Variants in ERC2 observed in about 807,000 individuals in gnomAD.
ERC2 encodes ERC protein 2.
In ERC2, 42 loss-of-function variants were observed where a neutral mutation model predicts 114.8. The ratio of observed to expected loss-of-function variants is 0.37; its 90% CI spans 0.29 to 0.47. The LOEUF (loss-of-function observed/expected upper bound fraction) is 0.47, where lower values mean the gene tolerates loss of function less well. Among genes scored for constraint, ERC2 ranks in the 20% least tolerant of loss-of-function variants. The probability of loss-of-function intolerance (pLI) is 0.99; values close to 1 mark genes in which losing one functional copy is unlikely to be tolerated. For synonymous variants in ERC2, 454 were observed against 425.5 expected (o/e 1.07, Z -0.82); for missense variants, 939 against 1,150.7 (o/e 0.82, Z 2.66).
chr3:56,057,560 G>A (rs2076069244), intron 7 of ERC2, among the ~76,000 whole-genome samples: 1 of 151,762 alleles, frequency 6.6e-6, no homozygotes, highest in Non-Finnish European at 1.5e-5. Flanking sequence ...CTAAAATGCA[G>A]TACCAAAGCA....
chr3:55,889,701 G>A (rs964877470), intron 13 of ERC2, among the ~76,000 whole-genome samples: 4 of 152,100 alleles, frequency 2.6e-5, no homozygotes, highest in African/African-American at 7.2e-5. Flanking sequence ...CATGATTCCA[G>A]GAAGTTTCTA....
intron 14 of ERC2, among the ~76,000 whole-genome samples, chr3:55,834,085 T>C (rs1312910888): frequency 1.3e-5 from 2 of 151,688 alleles, no homozygotes; most frequent in African/African-American, 2.4e-5. Flanking sequence ...ATGCACCCAA[T>C]ACAGGAGCAC....
At chr3:56,221,339 T>A (rs2049895122) in intron 3 of ERC2, among the ~76,000 whole-genome samples, 1 of 151,398 alleles carries the variant, frequency 6.6e-6, no homozygotes, top group African/African-American at 2.4e-5. Flanking sequence ...CTTCTGGTTT[T>A]GGTTATAGAA....
intron 17 of ERC2, among the ~76,000 whole-genome samples, chr3:55,583,435 CT>C (rs1443911705): frequency 4.7e-5 from 6 of 126,812 alleles, no homozygotes; most frequent in African/African-American, 9.4e-5. Flanking sequence ...TCCTTCCTTC[CT>C]TCCTTCCTCC....
chr3:56,325,106 T>C (rs1275730660), intron 2 of ERC2, among the ~76,000 whole-genome samples: 2 of 152,014 alleles, frequency 1.3e-5, no homozygotes, highest in Non-Finnish European at 2.9e-5. Flanking sequence ...ATCTTCCAAC[T>C]CTAACATGGG....
At chr3:56,213,833 A>G (rs1326491018) in intron 3 of ERC2, among the ~76,000 whole-genome samples, 1 of 151,972 alleles carries the variant, frequency 6.6e-6, no homozygotes, top group African/African-American at 2.4e-5. Flanking sequence ...GAGGAACAGC[A>G]ACATCTGCTG....
chr3:56,069,085 C>T (rs1473411184), intron 7 of ERC2, among the ~76,000 whole-genome samples: 3 of 152,194 alleles, frequency 2.0e-5, no homozygotes, highest in African/African-American at 7.2e-5. Context: ...TCAAGCCCTG[C>T]ATATCCTTGT....
At chr3:55,813,961 C>T (rs1360569835) in intron 14 of ERC2, among the ~76,000 whole-genome samples, 1 of 152,164 alleles carries the variant, frequency 6.6e-6, no homozygotes, top group Non-Finnish European at 1.5e-5. Context: ...ACAAAACCCA[C>T]TTCAAAGCAT....
At chr3:56,026,035 A>G (rs112574608) in intron 7 of ERC2, among the ~76,000 whole-genome samples, 13 of 151,504 alleles carry the variant, frequency 8.6e-5, no homozygotes, top group African/African-American at 3.1e-4. Flanking sequence ...GTATGCAGCA[A>G]ACCCCCTTCC....
chr3:56,462,033 A>G (rs2063339467), intron 1 of ERC2, among the ~76,000 whole-genome samples: 1 of 152,224 alleles, frequency 6.6e-6, no homozygotes, highest in African/African-American at 2.4e-5. Context: ...GTACCACTGC[A>G]GCACCTTCTG....
At chr3:56,382,931 C>G (rs1480468017) in intron 2 of ERC2, among the ~76,000 whole-genome samples, 1 of 152,136 alleles carries the variant, frequency 6.6e-6, no homozygotes, top group East Asian at 1.9e-4. Flanking sequence ...GGTTTACCCT[C>G]CAAATCTGCT....
chr3:56,301,068 G>A (rs1295937217), intron 2 of ERC2, among the ~76,000 whole-genome samples: 1 of 152,192 alleles, frequency 6.6e-6, no homozygotes, highest in African/African-American at 2.4e-5. Flanking sequence ...GGGCAACATA[G>A]AGAGACCCCA....
chr3:56,173,245 C>T (rs867890060), intron 4 of ERC2, among the ~76,000 whole-genome samples: 1 of 152,104 alleles, frequency 6.6e-6, no homozygotes, highest in African/African-American at 2.4e-5. Context: ...GCCCTTTATT[C>T]TTTTGCCCAG....
chr3:55,845,315 T>G (rs1300403059), intron 14 of ERC2, among the ~76,000 whole-genome samples: 1 of 151,902 alleles, frequency 6.6e-6, no homozygotes, highest in Non-Finnish European at 1.5e-5. Context: ...CCATCCCGGC[T>G]AAAACGGTGA....
intron 3 of ERC2, among the ~76,000 whole-genome samples, chr3:56,182,113 T>A (rs570800985): frequency 1.8e-4 from 27 of 152,316 alleles, no homozygotes; most frequent in African/African-American, 6.3e-4. Context: ...TGCAAATATA[T>A]CACAGGAAGG....
intron 17 of ERC2, among the ~76,000 whole-genome samples, chr3:55,512,574 C>G (rs1188294638): frequency 6.6e-6 from 1 of 152,100 alleles, no homozygotes. Flanking sequence ...AAAGAGAAAC[C>G]CTAAGTAGTA....
chr3:55,784,184 T>C (rs376913606), intron 14 of ERC2, among the ~76,000 whole-genome samples: 2 of 152,336 alleles, frequency 1.3e-5, no homozygotes, highest in African/African-American at 4.8e-5. Context: ...TGTTTGTTTG[T>C]TTGTTTTGCT....
chr3:55,807,056 C>T (rs959201211), intron 14 of ERC2, among the ~76,000 whole-genome samples: 2 of 152,142 alleles, frequency 1.3e-5, no homozygotes, highest in Non-Finnish European at 2.9e-5. Context: ...GGATCATCTA[C>T]CCTACACAAG....
At chr3:56,417,412 G>A (rs1366585366) in intron 2 of ERC2, among the ~76,000 whole-genome samples, 1 of 151,982 alleles carries the variant, frequency 6.6e-6, no homozygotes, top group Non-Finnish European at 1.5e-5. Context: ...AAGCCTAGCT[G>A]TGGCTCAGAA....
Sources: allele counts gnomAD v4.1 joint callset (sites outside exome capture counted in the v4.1 genomes callset), GRCh38; gene constraint gnomAD v4.1.1; transcripts MANE v1.5; gene names NCBI Gene and HGNC (gene_info 2026-07-23, HGNC 2026-07-21).